COL17A1: variants seen among roughly 807,000 people sequenced by gnomAD.
COL17A1 encodes the protein collagen alpha-1(XVII) chain.
COL17A1 carries 181 observed loss-of-function variants against 218.4 expected under a neutral mutation model. The observed-to-expected ratio is 0.83, with a 90% CI of 0.73 to 0.94. The LOEUF is 0.94. Among genes scored for constraint, COL17A1 ranks in the 40% least tolerant of loss-of-function variants. COL17A1 has a pLI of 0.00. For synonymous variants in COL17A1, 721 were observed against 731.0 expected (o/e 0.99, Z 0.22); for missense variants, 1,924 against 1,945.9 (o/e 0.99, Z 0.21).
At position 104,039,101 on chromosome 10, in the gene COL17A1, C is replaced by T; in HGVS notation, c.2917G>A (p.Ala973Thr). ...GDKGDPGVPG[A>T]LGIPSGPSEG... Reference sequence around the variant, plus strand: ...GAAGGACCACTAGGAATGCCAAGAGCCCCTGGAACACCTGGATCACCTGGA... The same window carrying T: ...GAAGGACCACTAGGAATGCCAAGAGTCCCTGGAACACCTGGATCACCTGGA... Residue 973 changes from alanine to threonine, a missense_variant, in exon 44 of 56, where the codon GCT becomes ACT. Transcript: ENST00000648076. 1 of 1,614,132 alleles carries T rather than the reference C, an allele frequency of 6.2e-7. No individual in the cohort carries two copies. The highest frequency in any genetic ancestry group is 8.5e-7 in the Non-Finnish European group (1 of 1,179,982).
chr10:104,052,061 C>A, intron 24 of COL17A1, 94 bp downstream of exon 24: 1 of 1,551,384 alleles, frequency 6.4e-7, no homozygotes, highest in Non-Finnish European at 8.9e-7. Context: ...GGGGTTAGGG[C>A]TGTCTGGGGT....
Position 104,039,499 on chromosome 10 carries a change from T to C in COL17A1, c.2842A>G (p.Asn948Asp), listed in dbSNP as rs754146490. ...GGTGGGCCTGGTGGTCCCTGAAGGT[T>C]GAGTCCGAAAGAACTGGACCCTGGA... ...STSGSSSFGL[N>D]LQGPPGPPGP... The change falls in exon 43 of 56, where the codon AAC (asparagine) becomes GAC (aspartate). Residue 948 changes from asparagine to aspartate, a missense_variant. By Grantham distance (23) the Asn-to-Asp change is conservative. Coordinates refer to ENST00000648076, the MANE Select transcript of COL17A1 (RefSeq NM_000494.4). 1 of 1,613,956 alleles carries C rather than the reference T, an allele frequency of 6.2e-7. No homozygotes were observed. Among genetic ancestry groups the C allele is most frequent in the South Asian group, 1.1e-5 (1 of 91,072 alleles).
At chr10:104,042,288 G>A (rs1486307404) in intron 36 of COL17A1, 132 bp downstream of exon 36, 1 of 925,224 alleles carries the variant, frequency 1.1e-6, no homozygotes, top group African/African-American at 1.6e-5. Context: ...CCGGTGAAGA[G>A]CCCTGGCCCT....
intron 32 of COL17A1, among the ~76,000 whole-genome samples, chr10:104,046,225 G>A (rs778916395): frequency 7.2e-5 from 11 of 152,330 alleles, no homozygotes; most frequent in Non-Finnish European, 1.6e-4. Flanking sequence ...TCAACTGCTG[G>A]GGGGCTGCTG....
chr10:104,055,040 G>A, intron 19 of COL17A1, 33 bp from the exon 20 acceptor site: 2 of 1,613,750 alleles, frequency 1.2e-6, no homozygotes, highest in Non-Finnish European at 1.7e-6. Flanking sequence ...ACTGTGAGAT[G>A]GGGCAAGAAC....
Position 104,064,405 on chromosome 10 carries a change from G to A in COL17A1, c.766+33C>T, listed in dbSNP as rs559761977. The A allele has an allele frequency of 2.5e-6, 4 of 1,613,638 alleles. No homozygotes were observed. The South Asian group carries it at 4.4e-5, about 18-fold the overall frequency. On this transcript the variant is annotated intron_variant, in intron 10 of 55. Coordinates refer to ENST00000648076, the MANE Select transcript of COL17A1 (RefSeq NM_000494.4). ...AGGATAGAGGCATGCCGAGTTCAGG[G>A]GTGAGAGAGGGTGTGGGCTGCCCGC...
chr10:104,069,111 G>T (rs1267266139), intron 9 of COL17A1, among the ~76,000 whole-genome samples: 1 of 152,162 alleles, frequency 6.6e-6, no homozygotes, highest in Non-Finnish European at 1.5e-5. Context: ...CAAAAAAGTA[G>T]TTAGAAAACA....
Position 104,059,684 on chromosome 10 carries a change from C to G in COL17A1, c.1176G>C (p.Lys392Asn). 2 of 1,614,218 alleles carry G rather than the reference C, an allele frequency of 1.2e-6. No individual in the cohort carries two copies. The highest frequency in any genetic ancestry group is 1.7e-6 in the Non-Finnish European group (2 of 1,180,038). Residue 392 changes from lysine to asparagine, a missense_variant, in exon 15 of 56, where the codon AAG (lysine) becomes AAC (asparagine). Transcript: ENST00000648076. ...SFSEDTLKKE[K>N]QAAYNADSGL... ...CTGAGTCAGCATTGTAGGCAGCTTG[C>G]TTTTCTTTTTTTAGGGTGTCTTCTG...
In COL17A1 at chr10:104,076,440, GA is replaced by G. The variant is rs1195377289; in HGVS notation, c.203-12del. 2 of 1,613,850 alleles carry G rather than the reference GA, an allele frequency of 1.2e-6. No individual in the cohort carries two copies. The highest frequency in any genetic ancestry group is 4.5e-5 in the East Asian group (2 of 44,876). The stretch of plus-strand genomic sequence containing the variant: ...CTCGTGTGCTTCCAGCTGCAAGAGG[GA>G]AAAAGCATAAGTTCTCAGTGCTTCA... On this transcript the variant is annotated splice_polypyrimidine_tract_variant and intron_variant, in intron 4 of 55. Transcript: ENST00000648076.
chr10:104,038,801 C>T (rs540612535), intron 44 of COL17A1, among the ~76,000 whole-genome samples: 1 of 152,290 alleles, frequency 6.6e-6, no homozygotes, highest in South Asian at 2.1e-4. Flanking sequence ...TCCCCCTTCT[C>T]TCAACTCCCC....
At chr10:104,041,013 C>T in intron 39 of COL17A1, 52 bp downstream of exon 39, 1 of 1,603,768 alleles carries the variant, frequency 6.2e-7, no homozygotes, top group South Asian at 1.1e-5. Context: ...CAGTCTGTGG[C>T]AGGACAAGGG....
intron 29 of COL17A1, among the ~76,000 whole-genome samples, chr10:104,048,932 G>T (rs2086440106): frequency 6.6e-6 from 1 of 151,956 alleles, no homozygotes; most frequent in Non-Finnish European, 1.5e-5. Context: ...CAACTCCTGA[G>T]TTCAAGCGAT....
chr10:104,033,852 C>T, intron 52 of COL17A1, 93 bp downstream of exon 52: 1 of 1,578,958 alleles, frequency 6.3e-7, no homozygotes, highest in Non-Finnish European at 8.6e-7. Context: ...ATTCTGTCTT[C>T]ACAGCCTGGG....
In COL17A1 at chr10:104,052,157, T is replaced by C. The variant is rs534396548; in HGVS notation, c.2000A>G (p.Lys667Arg). ...TCCTTCCTGCACACTGGACTTACCT[T>C]TGGGACCCACAGAACCTGGGACACC... ...PPGVPGSVGP[K>R]GSSGSPGPQG... The change falls in exon 24 of 56, where the codon AAA becomes AGA. Residue 667 changes from lysine to arginine, a missense_variant and splice_region_variant. Physicochemically the swap from Lys to Arg is conservative, Grantham distance 26 (BLOSUM62 2). Coordinates refer to ENST00000648076, the MANE Select transcript of COL17A1 (RefSeq NM_000494.4). 6.5e-5 allele frequency: 105 copies of C among 1,614,096 alleles called. 1 individual carries two copies. In the East Asian group the frequency reaches 2.2e-3, roughly 33 times the overall value.
chr10:104,038,562 C>A, intron 44 of COL17A1, 34 bp from the exon 45 acceptor site: 1 of 1,605,378 alleles, frequency 6.2e-7, no homozygotes, highest in Non-Finnish European at 8.5e-7. Flanking sequence ...GTGTCGGTTT[C>A]TCCACCCTAG....
At chr10:104,036,233 A>AGT (rs1200736305) in intron 48 of COL17A1, among the ~76,000 whole-genome samples, 1 of 97,672 alleles carries the variant, frequency 1.0e-5, no homozygotes, top group African/African-American at 4.3e-5. Flanking sequence ...TGTGTATGGG[A>AGT]GTGTGTGTGA....
rs895449962 is a variant in COL17A1, at chr10:104,050,532, C to T, written c.2128+89G>A. 8.1e-6 allele frequency: 13 copies of T among 1,602,326 alleles called. No homozygotes were observed. The East Asian group carries it at 2.2e-4, about 27-fold the overall frequency. Reference sequence around the variant, plus strand: ...ATGAGATCTTGGTCCAGGTCCTGTGCACCCTCAGACCCTACAGTGAGGGTC... The same window carrying T: ...ATGAGATCTTGGTCCAGGTCCTGTGTACCCTCAGACCCTACAGTGAGGGTC... On this transcript the variant is annotated intron_variant, in intron 27 of 55. Transcript: ENST00000648076.
Position 104,040,392 on chromosome 10 carries a change from G to C in COL17A1, c.2720C>G (p.Pro907Arg). Reference sequence around the variant, plus strand: ...ACCTGGGGGGCCAGGTGGGCCTGGGGGGCCGGAGAGGAAGGTTTCTGCAGA... The same window carrying C: ...ACCTGGGGGGCCAGGTGGGCCTGGGCGGCCGGAGAGGAAGGTTTCTGCAGA... ...LSNSETFLSG[P>R]PGPPGPPGPK... Residue 907 changes from proline to arginine, a missense_variant, in exon 40 of 56, where the codon CCC becomes CGC. Transcript: ENST00000648076. The C allele has an allele frequency of 1.9e-6, 3 of 1,611,040 alleles. No individual in the cohort carries two copies. The highest frequency in any genetic ancestry group is 2.5e-6 in the Non-Finnish European group (3 of 1,177,266).
chr10:104,042,445 G>A lies in COL17A1; in HGVS notation c.2526C>T (p.Gly842=). 6.2e-7 allele frequency: 1 copy of A among 1,614,222 alleles called. No individual in the cohort carries two copies. The highest frequency in any genetic ancestry group is 8.5e-7 in the Non-Finnish European group (1 of 1,180,040). The part of the protein sequence containing the change: ...PGPPGAPGPA[G]PAGLPGHQEV... ...CTTGATGTCCTGGGAGACCAGCTGG[G>A]CCGGCAGGGCCTGGAAACGGGGTTG... The change falls in exon 36 of 56, where the codon GGC becomes GGT. Residue 842 remains glycine, a synonymous_variant. Coordinates refer to ENST00000648076, the MANE Select transcript of COL17A1 (RefSeq NM_000494.4).
Sources: allele counts gnomAD v4.1 joint callset (sites outside exome capture counted in the v4.1 genomes callset), GRCh38; gene constraint gnomAD v4.1.1; transcripts MANE v1.5; gene names NCBI Gene and HGNC (gene_info 2026-07-23, HGNC 2026-07-21).